Variants in PRR16 observed in about 807,000 individuals in gnomAD.
PRR16 encodes the protein proline rich 16.
In PRR16, 6 loss-of-function variants were observed where a neutral mutation model predicts 18.2. The observed-to-expected ratio is 0.33, with a 90% CI of 0.18 to 0.65. The LOEUF (loss-of-function observed/expected upper bound fraction) is 0.65. Ranked by LOEUF, PRR16 falls within the 30% of genes least tolerant of loss-of-function variation. The pLI is 0.74. For missense variants in PRR16, 412 were observed against 376.6 expected (o/e 1.09, Z -0.78); for synonymous variants, 151 against 147.8 (o/e 1.02, Z -0.16).
the PRR16 span, among the ~76,000 whole-genome samples, chr5:120,784,301 G>T: frequency 6.6e-6 from 1 of 152,086 alleles, no homozygotes; most frequent in Non-Finnish European, 1.5e-5. Context: ...TTTCATAATG[G>T]CTATACCAAT....
intron 1 of PRR16, among the ~76,000 whole-genome samples, chr5:120,637,318 A>G (rs368313852): frequency 3.1e-3 from 18 of 5,780 alleles, no homozygotes; most frequent in African/African-American, 5.4e-3. Context: ...CATTATACGG[A>G]AAAAAAAAAA....
chr5:120,731,863 G>A, the PRR16 span, among the ~76,000 whole-genome samples: 1 of 152,236 alleles, frequency 6.6e-6, no homozygotes, highest in South Asian at 2.1e-4. Flanking sequence ...AATAAAAAGT[G>A]CTCTGTTTAC....
intron 1 of PRR16, among the ~76,000 whole-genome samples, chr5:120,536,032 T>C (rs898916689): frequency 2.0e-5 from 3 of 152,220 alleles, no homozygotes; most frequent in Non-Finnish European, 4.4e-5. Context: ...TCACCAATTA[T>C]CTCATGTTTA....
the PRR16 span, among the ~76,000 whole-genome samples, chr5:120,699,278 G>A: frequency 1.3e-5 from 2 of 152,148 alleles, no homozygotes; most frequent in South Asian, 2.1e-4. Context: ...CTAGTGGCTT[G>A]TACTATAGCA....
chr5:120,491,477 TCCTTTCTTC>T (rs1219257391), intron 1 of PRR16, among the ~76,000 whole-genome samples: 2 of 131,704 alleles, frequency 1.5e-5, no homozygotes, highest in African/African-American at 2.9e-5. Context: ...TCCTTTCCTT[TCCTTTCTTC>T]CTTCCTTCCT....
Position 120,686,412 on chromosome 5 carries a change from G to A in PRR16, c.618G>A (p.Arg206=). The A allele has an allele frequency of 6.2e-7, 1 of 1,614,110 alleles. No individual in the cohort carries two copies. The highest frequency in any genetic ancestry group is 8.5e-7 in the Non-Finnish European group (1 of 1,180,004). ...AGGCAGGGCCTCGAGAACGAGTTCG[G>A]TTTAATGAAAAAGTACAGTACCATG... ...CPQAGPRERV[R]FNEKVQYHGY... Residue 206 remains arginine (R), a synonymous_variant, in exon 2 of 2, where the codon CGG becomes CGA. Coordinates refer to ENST00000407149, the MANE Select transcript of PRR16 (RefSeq NM_001300783.2).
intron 1 of PRR16, among the ~76,000 whole-genome samples, chr5:120,515,153 G>A (rs1434582667): frequency 6.6e-6 from 1 of 152,128 alleles, no homozygotes; most frequent in Non-Finnish European, 1.5e-5. Context: ...TATCCCAGAG[G>A]CATTAAAGGG....
the PRR16 span, among the ~76,000 whole-genome samples, chr5:120,755,287 A>T: frequency 6.6e-6 from 1 of 152,046 alleles, no homozygotes; most frequent in African/African-American, 2.4e-5. Flanking sequence ...TCTTATGTGG[A>T]TATATTGCAA....
chr5:120,722,693 G>T, the PRR16 span, among the ~76,000 whole-genome samples: 1 of 151,900 alleles, frequency 6.6e-6, no homozygotes, highest in Non-Finnish European at 1.5e-5. Context: ...GTATCAAGAT[G>T]GTGAAGATTA....
downstream of PRR16, among the ~76,000 whole-genome samples, chr5:120,687,779 GAA>G (rs1757164541): frequency 6.6e-6 from 1 of 152,158 alleles, no homozygotes. Context: ...TCTTCTAAAA[GAA>G]AGAGAAGAAA....
At chr5:120,664,238 G>T (rs1275474058) in intron 1 of PRR16, among the ~76,000 whole-genome samples, 1 of 152,014 alleles carries the variant, frequency 6.6e-6, no homozygotes, top group Non-Finnish European at 1.5e-5. Flanking sequence ...GGTGGAGGTT[G>T]CTATGAGCTG....
chr5:120,511,056 C>T (rs1395062302), intron 1 of PRR16, among the ~76,000 whole-genome samples: 2 of 152,164 alleles, frequency 1.3e-5, no homozygotes, highest in Non-Finnish European at 1.5e-5. Context: ...GCTCCATACA[C>T]AAGCGCCCAG....
intron 1 of PRR16, among the ~76,000 whole-genome samples, chr5:120,611,359 C>G (rs573825957): frequency 6.6e-6 from 1 of 152,268 alleles, no homozygotes; most frequent in South Asian, 2.1e-4. Context: ...TGTTAATCCC[C>G]AAGACCATGG....
chr5:120,618,569 A>G (rs1754587280), intron 1 of PRR16: 1 of 933,512 alleles, frequency 1.1e-6, no homozygotes, highest in African/African-American at 1.8e-5. Flanking sequence ...TTCAGAGGTA[A>G]GTAAAAAAGA....
intron 1 of PRR16, among the ~76,000 whole-genome samples, chr5:120,669,420 A>T (rs1756515051): frequency 6.6e-6 from 1 of 152,020 alleles, no homozygotes; most frequent in Non-Finnish European, 1.5e-5. Flanking sequence ...TTGTTTTTTA[A>T]AAAAATCCTT....
chr5:120,649,513 A>G (rs532846112), intron 1 of PRR16, among the ~76,000 whole-genome samples: 27 of 152,264 alleles, frequency 1.8e-4, no homozygotes, highest in African/African-American at 6.5e-4. Context: ...TTTTACTTCA[A>G]TTCAAAAAGA....
At chr5:120,652,077 G>T (rs1312022389) in intron 1 of PRR16, among the ~76,000 whole-genome samples, 12 of 151,940 alleles carry the variant, frequency 7.9e-5, no homozygotes, top group Admixed American at 7.9e-4. Flanking sequence ...TTTATACCTG[G>T]ATTATTTTTA....
chr5:120,787,658 T>G, the PRR16 span, among the ~76,000 whole-genome samples: 1 of 152,262 alleles, frequency 6.6e-6, no homozygotes, highest in South Asian at 2.1e-4. Flanking sequence ...AGGAATGGGT[T>G]AGTTTGCTCA....
At chr5:120,689,607 A>G (rs1016523179), downstream of PRR16, among the ~76,000 whole-genome samples, 2 of 152,052 alleles carry the variant, frequency 1.3e-5, no homozygotes, top group African/African-American at 4.8e-5. Context: ...CAGCCTTCAT[A>G]CTCCTTTGAA....
Sources: gnomAD v4.1 joint callset for allele counts (sites outside exome capture counted in the v4.1 genomes callset) on GRCh38, gnomAD v4.1.1 for gene constraint, MANE v1.5 for transcripts, NCBI Gene and HGNC (gene_info 2026-07-23, HGNC 2026-07-21) for gene names.